Variants in RPH3AL observed in about 807,000 individuals in gnomAD.
RPH3AL encodes rab effector Noc2.
Under a neutral mutation model 43.1 loss-of-function variants are expected in RPH3AL, and 38 were observed. That is an observed-to-expected ratio of 0.88 (90% CI 0.68 to 1.15). The LOEUF (loss-of-function observed/expected upper bound fraction) is 1.15. Among genes scored for constraint, RPH3AL ranks in the 50% most tolerant of loss-of-function variants. RPH3AL has a pLI of 0.00. For synonymous variants in RPH3AL, 189 were observed against 176.3 expected, an observed-to-expected ratio of 1.07 and a Z score of -0.57; for missense variants, 462 against 423.2, an observed-to-expected ratio of 1.09 and a Z score of -0.81.
intron 3 of RPH3AL, among the ~76,000 whole-genome samples, chr17:325,159 C>A (rs922057812): frequency 6.6e-6 from 1 of 152,190 alleles, no homozygotes; most frequent in Non-Finnish European, 1.5e-5. Flanking sequence ...CCGCGACCGG[C>A]CTATTCTTTT....
intron 6 of RPH3AL, among the ~76,000 whole-genome samples, chr17:268,560 T>TG (rs1555548881): frequency 2.3e-5 from 3 of 130,986 alleles, no homozygotes; most frequent in Admixed American, 7.8e-5. Context: ...TGGGTTTTTT[T>TG]TTTTTTTTTT....
Position 333,024 on chromosome 17 carries a change from G to T in RPH3AL, c.-37+735C>A. ...TCATCAGCCCCAGGCAACTTCCTGA[G>T]ACAGATCGGTAAAAACAACCCCTTC... On this transcript the variant is annotated intron_variant, in intron 2 of 9. Coordinates refer to ENST00000331302, the MANE Select transcript of RPH3AL (RefSeq NM_006987.4). The surrounding 1 kb of genome is among the most constrained non-coding windows in gnomAD (Gnocchi z 4.5). 1 of 1,289,094 alleles carries T rather than the reference G, an allele frequency of 7.8e-7. No individual in the cohort carries two copies. Among genetic ancestry groups the T allele is most frequent in the Non-Finnish European group, 1.0e-6 (1 of 988,644 alleles). 79.9% of individuals were successfully genotyped at this position (1,289,094 alleles called of 1,614,324 possible).
Position 245,333 on chromosome 17 carries a change from G to T in RPH3AL, c.613+1778C>A, listed in dbSNP as rs1232202941. 6.6e-6 allele frequency among the ~76,000 whole-genome samples: 1 copy of T among 151,294 alleles called. No homozygotes were observed. Among genetic ancestry groups the T allele is most frequent in the African/African-American group, 2.4e-5 (1 of 41,128 alleles). On this transcript the variant is annotated intron_variant, in intron 7 of 9. Transcript: ENST00000331302. The surrounding 1 kb of genome is among the most constrained non-coding windows in gnomAD (Gnocchi z 5.9). ...TGTGGATGTGGATGTCAGTGTGTGT[G>T]TGTGGATGTGAGTGTGTATGTGGAT...
At chr17:240,667 C>T (rs1475955016) in intron 7 of RPH3AL, among the ~76,000 whole-genome samples, 1 of 152,220 alleles carries the variant, frequency 6.6e-6, no homozygotes, top group Admixed American at 6.5e-5. Flanking sequence ...TGTGTGATTA[C>T]ACCATATTTT....
chr17:272,665 G>C (rs898401795), intron 6 of RPH3AL, among the ~76,000 whole-genome samples: 5 of 149,720 alleles, frequency 3.3e-5, no homozygotes, highest in African/African-American at 1.2e-4. Flanking sequence ...AAAATGACGA[G>C]TTAATGGGTG....
At chr17:297,271 C>G in intron 5 of RPH3AL, among the ~76,000 whole-genome samples, 1 of 152,250 alleles carries the variant, frequency 6.6e-6, no homozygotes, top group Admixed American at 6.5e-5. Flanking sequence ...CATCTGTGCA[C>G]TTTGTAATAT....
chr17:215,765 G>A lies in RPH3AL; in HGVS notation c.765C>T (p.His255=), dbSNP rs1293651256. ...SVEAPRMGFT[H]PPGHLSGCQS... is the part of the protein sequence containing the mutation. ...GGCACCCAGAGAGGTGGCCCGGCGG[G>A]TGGGTGAACCCCATCCTGGGGGCCT... Residue 255 remains histidine (H), a synonymous_variant, in exon 9 of 10, where the codon CAC becomes CAT. Transcript: ENST00000331302. This position sits in a 1 kb window ranked among gnomAD's most constrained non-coding sequence, Gnocchi z 4.1. 3.1e-6 allele frequency: 4 copies of A among 1,305,262 alleles called. No individual in the cohort carries two copies. The highest frequency in any genetic ancestry group is 3.1e-5 in the East Asian group (1 of 31,952). The allele number at this position is 1,305,262 out of a possible 1,614,324, so 80.9% of individuals were successfully genotyped here.
At chr17:338,398 C>G (rs943889276) in intron 1 of RPH3AL, 2 of 150,124 alleles carry the variant, frequency 1.3e-5, no homozygotes, top group African/African-American at 2.5e-5. Flanking sequence ...ACGGAGGCTG[C>G]AGTGAGCCAT....
intron 1 of RPH3AL, among the ~76,000 whole-genome samples, chr17:347,574 ACT>A (rs1310246140): frequency 1.4e-5 from 2 of 144,398 alleles, no homozygotes; most frequent in African/African-American, 5.0e-5. Flanking sequence ...ACAGAGCAAG[ACT>A]CTGTTCAAAA....
intron 5 of RPH3AL, among the ~76,000 whole-genome samples, chr17:310,203 C>T (rs1391941749): frequency 6.6e-6 from 1 of 152,150 alleles, no homozygotes; most frequent in Non-Finnish European, 1.5e-5. Context: ...AGCACCAGTC[C>T]TCTCTAATTA....
chr17:240,550 C>A (rs919168408), intron 7 of RPH3AL, among the ~76,000 whole-genome samples: 14 of 152,300 alleles, frequency 9.2e-5, no homozygotes, highest in Middle Eastern at 3.4e-3. Context: ...TCACACAACA[C>A]GCGGCCTTTC....
At chr17:252,811 C>G (rs377699167) in intron 6 of RPH3AL, among the ~76,000 whole-genome samples, 6 of 152,182 alleles carry the variant, frequency 3.9e-5, no homozygotes, top group African/African-American at 1.2e-4. Flanking sequence ...TATACTTAAC[C>G]AGTTCAGCAT....
intron 5 of RPH3AL, among the ~76,000 whole-genome samples, chr17:302,638 G>A (rs1030672770): frequency 2.6e-5 from 4 of 152,166 alleles, no homozygotes; most frequent in South Asian, 4.1e-4. Flanking sequence ...ATCCAGGCCC[G>A]GCCCTCCCGG....
At chr17:230,716 C>G (rs1383488652) in intron 7 of RPH3AL, among the ~76,000 whole-genome samples, 4 of 152,178 alleles carry the variant, frequency 2.6e-5, no homozygotes, top group African/African-American at 9.7e-5. Context: ...GCCTATGCCC[C>G]CTGCCCACGA....
At chr17:315,219 T>A (rs112051722) in intron 5 of RPH3AL, among the ~76,000 whole-genome samples, 1 of 1,194 alleles carries the variant, frequency 8.4e-4, no homozygotes, top group Non-Finnish European at 1.5e-3. Flanking sequence ...ACCTGTAGTC[T>A]CTGTGCCCCC....
At position 215,780 on chromosome 17, in the gene RPH3AL, C is replaced by G; in HGVS notation, c.750G>C (p.Arg250Ser). 3 of 1,308,276 alleles carry G rather than the reference C, an allele frequency of 2.3e-6. No individual in the cohort carries two copies. The highest frequency in any genetic ancestry group is 3.1e-5 in the East Asian group (1 of 31,976). The allele number at this position is 1,308,276 out of a possible 1,614,324, so 81.0% of individuals were successfully genotyped here. ...GGCCCGGCGGGTGGGTGAACCCCAT[C>G]CTGGGGGCCTCCACGCTGCCACCTG... is the stretch of plus-strand genomic sequence containing the variant. ...KESGGSVEAP[R>S]MGFTHPPGHL... The change falls in exon 9 of 10, where the codon AGG becomes AGC. Residue 250 changes from arginine to serine, a missense_variant. Transcript: ENST00000331302. This position sits in a 1 kb window ranked among gnomAD's most constrained non-coding sequence, Gnocchi z 4.1.
Position 293,659 on chromosome 17 carries a change from G to A in RPH3AL, c.352-11805C>T, listed in dbSNP as rs374405793. On this transcript the variant is annotated intron_variant, in intron 5 of 9. Coordinates refer to ENST00000331302, the MANE Select transcript of RPH3AL (RefSeq NM_006987.4). Reference sequence around the variant, plus strand: ...CGTGCAGCACCGGTGATGGGAGCACGGTGCACTCAACAGGAGCTTCGGCCA... The same window carrying A: ...CGTGCAGCACCGGTGATGGGAGCACAGTGCACTCAACAGGAGCTTCGGCCA... 6.6e-5 allele frequency among the ~76,000 whole-genome samples: 10 copies of A among 152,318 alleles called. No individual in the cohort carries two copies. The East Asian group carries it at 1.7e-3, about 26-fold the overall frequency.
At chr17:229,721 C>T (rs1053086711) in intron 7 of RPH3AL, among the ~76,000 whole-genome samples, 3 of 152,154 alleles carry the variant, frequency 2.0e-5, no homozygotes, top group Non-Finnish European at 4.4e-5. Flanking sequence ...GGAGAGTGCC[C>T]GGTTCACACA....
chr17:316,749 C>A (rs1253440003), intron 5 of RPH3AL, among the ~76,000 whole-genome samples: 7,409 of 60,162 alleles, frequency 0.12, no homozygotes, highest in Middle Eastern at 0.17. Context: ...AGTCCATGTG[C>A]CCCACCTCCA....
Sources: gnomAD v4.1 joint callset for allele counts (sites outside exome capture counted in the v4.1 genomes callset) on GRCh38, gnomAD v4.1.1 for gene constraint, Gnocchi (gnomAD v3.1) non-coding constraint, MANE v1.5 for transcripts, NCBI Gene and HGNC (gene_info 2026-07-23, HGNC 2026-07-21) for gene names.